Variants in TMEM65 observed in about 807,000 individuals in gnomAD.
TMEM65 encodes the protein transmembrane protein 65.
A neutral mutation model predicts 25.4 loss-of-function variants in TMEM65; 22 were observed. That is an observed-to-expected ratio of 0.86 (90% CI 0.62 to 1.23). TMEM65 has a LOEUF of 1.23. TMEM65 is among the 50% of genes most tolerant of loss of function. The pLI is 0.00. For missense variants in TMEM65, 262 were observed against 308.2 expected (o/e 0.85, Z 1.12); for synonymous variants, 132 against 126.2 (o/e 1.05, Z -0.31).
chr8:124,330,383 A>C lies in TMEM65; in HGVS notation c.349+365T>G, dbSNP rs74602311. 3.7e-3 allele frequency among the ~76,000 whole-genome samples: 556 copies of C among 152,016 alleles called. 3 individuals carry two copies. Among genetic ancestry groups the C allele is most frequent in the African/African-American group, 0.013 (540 of 41,558 alleles). ...GGAAACATTTTCTCTACCAGAGAAC[A>C]GTTGTATCTCGCCTTGGGCCTAGAA... is the stretch of plus-strand genomic sequence containing the variant. On this transcript the variant is annotated intron_variant, in intron 2 of 6. Transcript: ENST00000297632.
chr8:124,372,202 G>A lies in TMEM65; in HGVS notation c.-45C>T, dbSNP rs1327745245. 1 of 1,268,108 alleles carries A rather than the reference G, an allele frequency of 7.9e-7. No homozygotes were observed. The highest frequency in any genetic ancestry group is 1.0e-6 in the Non-Finnish European group (1 of 1,001,802). 78.6% of individuals were successfully genotyped at this position (1,268,108 alleles called of 1,614,324 possible). A position where few individuals can be genotyped will look rare whatever the true frequency, so the allele number is the denominator to read the frequency against. On this transcript the variant is annotated 5_prime_UTR_variant, in exon 1 of 7. Coordinates refer to ENST00000297632, the MANE Select transcript of TMEM65 (RefSeq NM_194291.3). ...ACCCCCGCGGCCGTCCGGCAAGGCG[G>A]TTTCTGGCGCGGCTGAGGCGAGAAG... is the stretch of plus-strand genomic sequence containing the variant.
chr8:124,354,657 T>C (rs1419983446), intron 1 of TMEM65, among the ~76,000 whole-genome samples: 2 of 152,142 alleles, frequency 1.3e-5, no homozygotes, highest in Non-Finnish European at 2.9e-5. Flanking sequence ...TGTCATCCCA[T>C]CTCCAAAACT....
At chr8:124,353,248 T>C (rs1814736305) in intron 1 of TMEM65, among the ~76,000 whole-genome samples, 3 of 152,146 alleles carry the variant, frequency 2.0e-5, no homozygotes, top group African/African-American at 7.2e-5. Context: ...TATAGGAATA[T>C]GTGGGCAGTA....
rs1814124497 is a variant in TMEM65 at position 124,308,860 on chromosome 8, A to T, written c.*5100T>A. 1 of 152,234 alleles carries T rather than the reference A, an allele frequency of 6.6e-6. No homozygotes were observed. Among genetic ancestry groups the T allele is most frequent in the South Asian group, 2.1e-4 (1 of 4,832 alleles). 9.4% of individuals were successfully genotyped at this position (152,234 alleles called of 1,614,324 possible). On this transcript the variant is annotated 3_prime_UTR_variant, in exon 7 of 7. Coordinates refer to ENST00000297632, the MANE Select transcript of TMEM65 (RefSeq NM_194291.3). ...TAAAGCAAATGGTGGAAGAAGGATT[A>T]ATACCATATATAGAAATATTTTGAG...
intron 2 of TMEM65, among the ~76,000 whole-genome samples, chr8:124,329,856 T>C (rs1814410746): frequency 6.6e-6 from 1 of 151,886 alleles, no homozygotes; most frequent in African/African-American, 2.4e-5. Context: ...CTATAGATTG[T>C]ATGAATCTAA....
intron 5 of TMEM65, 94 bp from the exon 6 acceptor site, chr8:124,320,285 T>C: frequency 1.2e-6 from 1 of 864,054 alleles, no homozygotes; most frequent in Non-Finnish European, 1.7e-6. Context: ...GAGGACAAAA[T>C]ATAGGTTTTT....
chr8:124,356,266 T>C (rs1440157580), intron 1 of TMEM65, among the ~76,000 whole-genome samples: 1 of 152,138 alleles, frequency 6.6e-6, no homozygotes, highest in Non-Finnish European at 1.5e-5. Context: ...GTGGGCCCCA[T>C]TAGGATAGCG....
chr8:124,340,845 A>G (rs577013620), intron 1 of TMEM65, among the ~76,000 whole-genome samples: 80 of 152,276 alleles, frequency 5.3e-4, no homozygotes, highest in African/African-American at 1.8e-3. Flanking sequence ...AAGAAGATAG[A>G]TAACATTTTG....
In TMEM65 at chr8:124,367,811, T is replaced by TA. The variant is rs557400886; in HGVS notation, c.304+4042dup. On this transcript the variant is annotated intron_variant, in intron 1 of 6. Transcript: ENST00000297632. ...AATGTATACAGACGTAGATAAATGG[T>TA]AAAAAATGTCAAAAGCACACAATTA... Among the ~76,000 whole-genome samples, 159 of 152,240 alleles carry TA rather than the reference T, an allele frequency of 1.0e-3. 1 individual carries two copies. Among genetic ancestry groups the TA allele is most frequent in the Non-Finnish European group, 1.4e-3 (95 of 68,018 alleles).
At chr8:124,339,625 T>A (rs911904970) in intron 1 of TMEM65, among the ~76,000 whole-genome samples, 1 of 152,064 alleles carries the variant, frequency 6.6e-6, no homozygotes, top group African/African-American at 2.4e-5. Context: ...ATTGTGCACA[T>A]TGATCCCTCT....
At chr8:124,360,062 A>C (rs1382523997) in intron 1 of TMEM65, among the ~76,000 whole-genome samples, 4 of 152,196 alleles carry the variant, frequency 2.6e-5, no homozygotes, top group Admixed American at 2.6e-4. Flanking sequence ...CAACTAAATA[A>C]GTCTTCAAGA....
At position 124,335,198 on chromosome 8, in the gene TMEM65, C is replaced by G. The variant is rs369413008; in HGVS notation, c.305-4406G>C. 2.7e-4 allele frequency among the ~76,000 whole-genome samples: 41 copies of G among 152,066 alleles called. No individual in the cohort carries two copies. The East Asian group carries it at 7.3e-3, about 27-fold the overall frequency. On this transcript the variant is annotated intron_variant, in intron 1 of 6. Coordinates refer to ENST00000297632, the MANE Select transcript of TMEM65 (RefSeq NM_194291.3). ...CAGAACTAAATACATATTAAACACA[C>G]AAAAAAATAACTTCAGTATGCAGAA...
At chr8:124,328,096 G>A (rs1814389243) in intron 2 of TMEM65, among the ~76,000 whole-genome samples, 1 of 151,752 alleles carries the variant, frequency 6.6e-6, no homozygotes, top group African/African-American at 2.4e-5. Context: ...TCATCTATTG[G>A]GTATATAAAT....
At chr8:124,354,158 A>C (rs1052548423) in intron 1 of TMEM65, among the ~76,000 whole-genome samples, 3 of 152,194 alleles carry the variant, frequency 2.0e-5, no homozygotes, top group Admixed American at 6.5e-5. Flanking sequence ...CTACAAAAAA[A>C]CTGGTCTGTA....
At chr8:124,356,457 C>T (rs1270303875) in intron 1 of TMEM65, among the ~76,000 whole-genome samples, 2 of 152,184 alleles carry the variant, frequency 1.3e-5, no homozygotes, top group African/African-American at 4.8e-5. Context: ...GAGATGACCT[C>T]AGATAAAATC....
chr8:124,334,889 A>G (rs1012156668), intron 1 of TMEM65, among the ~76,000 whole-genome samples: 2 of 151,908 alleles, frequency 1.3e-5, no homozygotes, highest in Non-Finnish European at 2.9e-5. Context: ...AAAATTATTC[A>G]GTCTGAACAA....
chr8:124,367,716 C>T (rs1563601598), intron 1 of TMEM65, among the ~76,000 whole-genome samples: 1 of 152,142 alleles, frequency 6.6e-6, no homozygotes, highest in Admixed American at 6.5e-5. Context: ...CAAAACAAAG[C>T]TCTTCACCCT....
chr8:124,354,839 T>C (rs1814758843), intron 1 of TMEM65, among the ~76,000 whole-genome samples: 1 of 152,188 alleles, frequency 6.6e-6, no homozygotes, highest in South Asian at 2.1e-4. Flanking sequence ...GCCAAGGAAC[T>C]CAATCTGTGA....
intron 1 of TMEM65, among the ~76,000 whole-genome samples, chr8:124,349,025 T>A (rs1814674849): frequency 6.6e-6 from 1 of 152,174 alleles, no homozygotes; most frequent in Non-Finnish European, 1.5e-5. Context: ...AAATACTGAC[T>A]TCATTCTCCA....
Sources: gnomAD v4.1 joint callset for allele counts (sites outside exome capture counted in the v4.1 genomes callset) on GRCh38, gnomAD v4.1.1 for gene constraint, MANE v1.5 for transcripts, NCBI Gene and HGNC (gene_info 2026-07-23, HGNC 2026-07-21) for gene names.